GBE1: variants seen among roughly 807,000 people sequenced by gnomAD.
GBE1 encodes the protein 1,4-alpha-glucan-branching enzyme.
A neutral mutation model predicts 88.8 loss-of-function variants in GBE1; 70 were observed. The ratio of observed to expected loss-of-function variants is 0.79; its 90% confidence interval spans 0.65 to 0.96. The LOEUF (loss-of-function observed/expected upper bound fraction) is 0.96, where lower values mean the gene tolerates loss of function less well. Among genes scored for constraint, GBE1 ranks in the 40% least tolerant of loss-of-function variants. GBE1 has a pLI of 0.00. For synonymous variants in GBE1, 284 were observed against 300.1 expected (o/e 0.95, Z 0.56); for missense variants, 872 against 871.0 (o/e 1.00, Z -0.01).
intron 12 of GBE1, among the ~76,000 whole-genome samples, chr3:81,552,922 A>C (rs1190892036): frequency 6.6e-6 from 1 of 152,222 alleles, no homozygotes; most frequent in Non-Finnish European, 1.5e-5. Context: ...GGGAGGGAAC[A>C]TTATTTCTGT....
chr3:81,747,173 C>A (rs1438518160), intron 1 of GBE1, among the ~76,000 whole-genome samples: 1 of 151,738 alleles, frequency 6.6e-6, no homozygotes, highest in Non-Finnish European at 1.5e-5. Context: ...GGTCCTAGAG[C>A]TAGGAAAAGA....
intron 7 of GBE1, among the ~76,000 whole-genome samples, chr3:81,631,654 G>A (rs1439109847): frequency 6.6e-6 from 1 of 151,320 alleles, no homozygotes. Context: ...GGCTGAGGCA[G>A]GAGAATCACT....
At chr3:81,618,500 C>T (rs1268312863) in intron 7 of GBE1, among the ~76,000 whole-genome samples, 3 of 152,062 alleles carry the variant, frequency 2.0e-5, no homozygotes, top group African/African-American at 7.2e-5. Flanking sequence ...TACATGATCC[C>T]ACTGAAAAGG....
chr3:81,626,921 C>T (rs550770165), intron 7 of GBE1, among the ~76,000 whole-genome samples: 2 of 152,132 alleles, frequency 1.3e-5, no homozygotes, highest in East Asian at 1.9e-4. Flanking sequence ...TGGGGTTTTC[C>T]AAGTGCATTT....
chr3:81,524,569 T>C (rs1702919272), intron 14 of GBE1, among the ~76,000 whole-genome samples: 1 of 151,858 alleles, frequency 6.6e-6, no homozygotes, highest in Non-Finnish European at 1.5e-5. Context: ...TTAATCCACT[T>C]TGATTTGTTT....
At chr3:81,739,442 T>C (rs1706317498) in intron 1 of GBE1, among the ~76,000 whole-genome samples, 1 of 152,164 alleles carries the variant, frequency 6.6e-6, no homozygotes. Flanking sequence ...TTTTATATAC[T>C]ACAATTTATC....
intron 3 of GBE1, among the ~76,000 whole-genome samples, chr3:81,656,321 C>T (rs768815497): frequency 2.0e-5 from 3 of 152,138 alleles, no homozygotes; most frequent in Non-Finnish European, 2.9e-5. Context: ...GGAGAAGACA[C>T]TGTGACCCAG....
At chr3:81,609,860 C>T (rs747542886) in intron 7 of GBE1, among the ~76,000 whole-genome samples, 1 of 152,120 alleles carries the variant, frequency 6.6e-6, no homozygotes, top group Non-Finnish European at 1.5e-5. Flanking sequence ...AAATTGCTCA[C>T]AATAGAGTCT....
chr3:81,527,157 G>A (rs1050930467), intron 14 of GBE1, among the ~76,000 whole-genome samples: 4 of 152,222 alleles, frequency 2.6e-5, no homozygotes. Flanking sequence ...TGGGAAAACT[G>A]GCTAGCCATA....
At chr3:81,520,715 A>G (rs1333993800) in intron 14 of GBE1, among the ~76,000 whole-genome samples, 1 of 151,634 alleles carries the variant, frequency 6.6e-6, no homozygotes, top group African/African-American at 2.4e-5. Flanking sequence ...CCTATTTATT[A>G]AGTACATGTA....
At chr3:81,647,630 T>C (rs1704784534) in intron 5 of GBE1, among the ~76,000 whole-genome samples, 1 of 152,182 alleles carries the variant, frequency 6.6e-6, no homozygotes, top group African/African-American at 2.4e-5. Context: ...GTAACATACA[T>C]AGTAAATATT....
chr3:81,750,775 G>A (rs1706519080), intron 1 of GBE1, among the ~76,000 whole-genome samples: 1 of 143,056 alleles, frequency 7.0e-6, no homozygotes, highest in South Asian at 2.2e-4. Flanking sequence ...CCTCCTCCCC[G>A]GTCCAAGCGA....
intron 1 of GBE1, among the ~76,000 whole-genome samples, chr3:81,745,717 T>C (rs1706412023): frequency 6.6e-6 from 1 of 152,166 alleles, no homozygotes; most frequent in South Asian, 2.1e-4. Flanking sequence ...AAGTTACATG[T>C]TGAAATGATA....
chr3:81,580,971 A>G (rs894029640), intron 11 of GBE1, among the ~76,000 whole-genome samples, 194 bp downstream of exon 11: 15 of 152,014 alleles, frequency 9.9e-5, no homozygotes, highest in Non-Finnish European at 2.1e-4. Context: ...CTCCATCTAC[A>G]AATTTAACAT....
intron 7 of GBE1, among the ~76,000 whole-genome samples, chr3:81,640,963 T>C (rs900524893): frequency 6.6e-6 from 1 of 152,130 alleles, no homozygotes; most frequent in African/African-American, 2.4e-5. Flanking sequence ...CAATGTTAAG[T>C]TTGTCTCAAT....
At chr3:81,588,270 A>G (rs1036049840) in intron 9 of GBE1, among the ~76,000 whole-genome samples, 2 of 152,134 alleles carry the variant, frequency 1.3e-5, no homozygotes, top group African/African-American at 4.8e-5. Flanking sequence ...CAATCATTCT[A>G]TTTATCAAAA....
chr3:81,650,084 G>C, intron 3 of GBE1, 163 bp from the exon 4 acceptor site: 1 of 518,312 alleles, frequency 1.9e-6, no homozygotes, highest in Non-Finnish European at 3.4e-6. Flanking sequence ...TATCAATGTT[G>C]GTTTTCTCAT....
Position 81,581,160 on chromosome 3 carries a change from T to G in GBE1, c.1446+5A>C. The G allele has an allele frequency of 6.4e-7, 1 of 1,564,458 alleles. No homozygotes were observed. The highest frequency in any genetic ancestry group is 1.1e-5 in the South Asian group (1 of 88,240). ...ATAAATGAATTTATGCACATATTCA[T>G]TTACCTGATCATGGCTCTCTGCATA... On this transcript the variant is annotated splice_donor_5th_base_variant and intron_variant, in intron 11 of 15. Coordinates refer to ENST00000429644, the MANE Select transcript of GBE1 (RefSeq NM_000158.4).
Position 81,490,320 on chromosome 3 carries a change from A to G in GBE1, c.*87T>C. On this transcript the variant is annotated 3_prime_UTR_variant, in exon 16 of 16. Coordinates refer to ENST00000429644, the MANE Select transcript of GBE1 (RefSeq NM_000158.4). ...GCTTGGCTAGACAACTGTATTCTGAAAAGCATACATGTTATAAGCTGTGTG... is the reference window on the plus strand; with the variant it reads ...GCTTGGCTAGACAACTGTATTCTGAGAAGCATACATGTTATAAGCTGTGTG... The G allele has an allele frequency of 9.0e-7, 1 of 1,111,772 alleles. No individual in the cohort carries two copies. Among genetic ancestry groups the G allele is most frequent in the South Asian group, 1.3e-5 (1 of 78,134 alleles). 68.9% of individuals were successfully genotyped at this position (1,111,772 alleles called of 1,614,324 possible). A position where few individuals can be genotyped will look rare whatever the true frequency, so the allele number is the denominator to read the frequency against.
Sources: allele counts gnomAD v4.1 joint callset (sites outside exome capture counted in the v4.1 genomes callset), GRCh38; gene constraint gnomAD v4.1.1; transcripts MANE v1.5; gene names NCBI Gene and HGNC (gene_info 2026-07-23, HGNC 2026-07-21).